Variants in GNG4 observed in about 807,000 individuals in gnomAD.
The protein encoded by GNG4 is G protein subunit gamma 4.
GNG4 carries 4 observed loss-of-function variants against 5.8 expected under a neutral mutation model. That is an observed-to-expected ratio of 0.69 (90% CI 0.34 to 1.57). The LOEUF is 1.57. Among genes scored for constraint, GNG4 ranks in the 40% most tolerant of loss-of-function variants. The pLI, the probability that GNG4 is intolerant of heterozygous loss-of-function variation, is 0.06. For synonymous variants in GNG4, 29 were observed against 32.9 expected, an observed-to-expected ratio of 0.88 and a Z score of 0.41; for missense variants, 96 against 95.1, an observed-to-expected ratio of 1.01 and a Z score of -0.04.
At chr1:235,587,244 GGT>G (rs1158425263) in intron 2 of GNG4, among the ~76,000 whole-genome samples, 1 of 51,190 alleles carries the variant, frequency 2.0e-5, no homozygotes, top group Non-Finnish European at 3.5e-5. Flanking sequence ...TGTGAGGTGG[GGT>G]GTGTGTGATG....
At position 235,642,727 on chromosome 1, in the gene GNG4, G is replaced by T. The variant is rs1657368802; in HGVS notation, c.-123+6935C>A. ...ATATTTGTTTTGTCCTAAACTTGCC[G>T]TGTGTTCTTGGAGGCGCGGGCCTCC... On this transcript the variant is annotated intron_variant, in intron 1 of 3. Coordinates refer to ENST00000391854, the MANE Select transcript of GNG4 (RefSeq NM_001098722.2). The surrounding 1 kb of genome is among the most constrained non-coding windows in gnomAD (Gnocchi z 4.3). Among the ~76,000 whole-genome samples the T allele has an allele frequency of 6.6e-6, 1 of 152,034 alleles. No individual in the cohort carries two copies. Among genetic ancestry groups the T allele is most frequent in the Non-Finnish European group, 1.5e-5 (1 of 68,018 alleles).
At chr1:235,649,858 G>C (rs1181242486), upstream of GNG4, 1 of 148,982 alleles carries the variant, frequency 6.7e-6, no homozygotes, top group African/African-American at 2.4e-5. The surrounding 1 kb of genome is among the most constrained non-coding windows in gnomAD (Gnocchi z 5.7). Context: ...GCCCTGCAGG[G>C]CCCGACCACG....
At chr1:235,577,553 G>A (rs770487571) in intron 3 of GNG4, among the ~76,000 whole-genome samples, 6 of 152,100 alleles carry the variant, frequency 3.9e-5, no homozygotes, top group Non-Finnish European at 8.8e-5. Flanking sequence ...TGATTCTCCT[G>A]CCTCAGCCTC....
At chr1:235,592,379 C>T (rs921615827) in intron 2 of GNG4, among the ~76,000 whole-genome samples, 13 of 151,916 alleles carry the variant, frequency 8.6e-5, no homozygotes, top group Middle Eastern at 3.4e-3. Flanking sequence ...CATGGTGGCA[C>T]GTGCCTGTAA....
chr1:235,551,926 T>C lies in GNG4; in HGVS notation c.*183A>G, dbSNP rs1457417691. 4 of 521,694 alleles carry C rather than the reference T, an allele frequency of 7.7e-6. No homozygotes were observed. The highest frequency in any genetic ancestry group is 1.4e-5 in the Non-Finnish European group (4 of 286,174). 32.3% of individuals were successfully genotyped at this position (521,694 alleles called of 1,614,324 possible). On this transcript the variant is annotated 3_prime_UTR_variant, in exon 4 of 4. Transcript: ENST00000391854. ...GCCAATAATGAAAATAACATGAAAA[T>C]GAAAAGGAAAAAAATGAAATTGAAT...
intron 1 of GNG4, among the ~76,000 whole-genome samples, chr1:235,613,678 C>A (rs1031703659): frequency 1.3e-5 from 2 of 152,144 alleles, no homozygotes; most frequent in African/African-American, 4.8e-5. Context: ...ACAGCTCTGC[C>A]AACAGCTTGG....
chr1:235,589,634 GTCC>G (rs1178499088), intron 2 of GNG4, among the ~76,000 whole-genome samples: 1 of 152,162 alleles, frequency 6.6e-6, no homozygotes. Flanking sequence ...ACGTGACCTT[GTCC>G]TCCTCAATGG....
At chr1:235,612,942 A>G (rs1223385442) in intron 1 of GNG4, among the ~76,000 whole-genome samples, 1 of 151,900 alleles carries the variant, frequency 6.6e-6, no homozygotes, top group Admixed American at 6.6e-5. Context: ...CAGACTGTTC[A>G]CCTCTCACTG....
intron 2 of GNG4, among the ~76,000 whole-genome samples, chr1:235,586,253 AT>A (rs989075384): frequency 2.0e-4 from 31 of 152,204 alleles, no homozygotes; most frequent in African/African-American, 7.5e-4. Context: ...CATCCCCTTC[AT>A]CCCCCACTCA....
At chr1:235,616,861 C>T (rs1688600876) in intron 1 of GNG4, among the ~76,000 whole-genome samples, 1 of 151,822 alleles carries the variant, frequency 6.6e-6, no homozygotes, top group South Asian at 2.1e-4. Context: ...GCCTCAGCCT[C>T]CCCAGTAGCA....
At chr1:235,568,136 C>T (rs1687245322) in intron 3 of GNG4, among the ~76,000 whole-genome samples, 1 of 146,472 alleles carries the variant, frequency 6.8e-6, no homozygotes. Context: ...TTGCAACATA[C>T]TTTCCTTCTA....
chr1:235,588,343 G>A (rs1275787649), intron 2 of GNG4, among the ~76,000 whole-genome samples: 2 of 151,962 alleles, frequency 1.3e-5, no homozygotes, highest in Admixed American at 6.6e-5. Flanking sequence ...ACCCACAGCC[G>A]AGGCCCCTGG....
chr1:235,598,842 C>A (rs1199549578), intron 1 of GNG4, among the ~76,000 whole-genome samples: 1 of 151,962 alleles, frequency 6.6e-6, no homozygotes, highest in Non-Finnish European at 1.5e-5. Context: ...TCTCCTGCCT[C>A]AGCCTCCCAA....
chr1:235,601,012 G>C (rs1167472841), intron 1 of GNG4, among the ~76,000 whole-genome samples: 1 of 152,240 alleles, frequency 6.6e-6, no homozygotes, highest in Non-Finnish European at 1.5e-5. Flanking sequence ...GGCTTCAACA[G>C]AGACTTTAAT....
rs965370712 is a variant in GNG4 at position 235,549,091 on chromosome 1, G to A, written c.*3018C>T. The A allele has an allele frequency of 2.0e-5, 3 of 152,378 alleles. No homozygotes were observed. Among genetic ancestry groups the A allele is most frequent in the Admixed American group, 1.3e-4 (2 of 15,274 alleles). The allele number at this position is 152,378 out of a possible 1,614,324, so 9.4% of individuals were successfully genotyped here. On this transcript the variant is annotated 3_prime_UTR_variant, in exon 4 of 4. Coordinates refer to ENST00000391854, the MANE Select transcript of GNG4 (RefSeq NM_001098722.2). ...GCCTGCAATCCCAGCTCCTCGTGAG[G>A]TTGAGGCACAAGAATCGCTTGAACC...
chr1:235,576,676 T>C (rs1057006883), intron 3 of GNG4, among the ~76,000 whole-genome samples: 90 of 152,270 alleles, frequency 5.9e-4, no homozygotes, highest in African/African-American at 2.0e-3. Flanking sequence ...GATGTGCTTC[T>C]AGGCAAGATG....
intron 1 of GNG4, among the ~76,000 whole-genome samples, chr1:235,613,710 T>C (rs1688529767): frequency 1.3e-5 from 2 of 152,202 alleles, no homozygotes; most frequent in African/African-American, 4.8e-5. Flanking sequence ...TGAGATTCAT[T>C]TTGGACTTCT....
At chr1:235,568,916 G>A (rs752810073) in intron 3 of GNG4, among the ~76,000 whole-genome samples, 10 of 150,380 alleles carry the variant, frequency 6.6e-5, no homozygotes, top group Middle Eastern at 3.4e-3. Context: ...AACCTTCTCC[G>A]CCTAGGTTCA....
Position 235,616,264 on chromosome 1 carries a change from G to A in GNG4, c.-122-20753C>T, listed in dbSNP as rs113614373. The stretch of plus-strand genomic sequence containing the variant: ...CTGTGGTTGATATGTTCCCTGAGAC[G>A]AATGAGGTCTGCCAAGAGGATGGGA... On this transcript the variant is annotated intron_variant, in intron 1 of 3. Coordinates refer to ENST00000391854, the MANE Select transcript of GNG4 (RefSeq NM_001098722.2). 2.9e-3 allele frequency: 1,430 copies of A among 487,078 alleles called. 26 individuals are homozygous for A. The highest frequency in any genetic ancestry group is 0.026 in the African/African-American group (1,327 of 51,154). The allele number at this position is 487,078 out of a possible 1,614,324, so 30.2% of individuals were successfully genotyped here.
Sources: allele counts gnomAD v4.1 joint callset (sites outside exome capture counted in the v4.1 genomes callset), GRCh38; gene constraint gnomAD v4.1.1; non-coding constraint Gnocchi (gnomAD v3.1); transcripts MANE v1.5; gene names NCBI Gene and HGNC (gene_info 2026-07-23, HGNC 2026-07-21).